The following ITSN2 variants were observed in gnomAD, a reference collection of about 807,000 sequenced individuals.
ITSN2 encodes intersectin-2.
ITSN2 carries 156 observed loss-of-function variants against 243.7 expected under a neutral mutation model. The observed-to-expected ratio is 0.64, with a 90% confidence interval of 0.56 to 0.73. The LOEUF (loss-of-function observed/expected upper bound fraction) is 0.73. Among genes scored for constraint, ITSN2 ranks in the 30% least tolerant of loss-of-function variants. The pLI, the probability that ITSN2 is intolerant of heterozygous loss-of-function variation, is 0.00. For missense variants in ITSN2, 1,801 were observed against 1,996.1 expected (o/e 0.90, Z 1.86); for synonymous variants, 703 against 699.9 (o/e 1.00, Z -0.07).
intron 1 of ITSN2, among the ~76,000 whole-genome samples, chr2:24,330,185 A>G (rs966184404): frequency 6.6e-6 from 1 of 152,268 alleles, no homozygotes; most frequent in Non-Finnish European, 1.5e-5. Context: ...GATCCCATGG[A>G]CACAAGGCCT....
In ITSN2 at chr2:24,211,878, G is replaced by A. The variant is rs1558430612; in HGVS notation, c.4089+772C>T. Among the ~76,000 whole-genome samples the A allele has an allele frequency of 6.6e-6, 1 of 152,066 alleles. No homozygotes were observed. The highest frequency in any genetic ancestry group is 2.1e-4 in the South Asian group (1 of 4,822). ...CTGGCCCCAAGTATTTCAATGAAGG[G>A]GCTGTGAACCTGCATTATGGTTCAG... is the stretch of plus-strand genomic sequence containing the variant. On this transcript the variant is annotated intron_variant, in intron 33 of 39. Transcript: ENST00000355123. The surrounding 1 kb of genome is among the most constrained non-coding windows in gnomAD (Gnocchi z 4.1).
intron 29 of ITSN2, 165 bp from the exon 30 acceptor site, chr2:24,221,231 G>C: frequency 1.5e-6 from 1 of 653,376 alleles, no homozygotes; most frequent in Non-Finnish European, 2.5e-6. Flanking sequence ...TACGCGGAGA[G>C]TTGGCATTAA....
Position 24,216,135 on chromosome 2 carries a change from T to A in ITSN2, c.3904A>T (p.Ile1302Phe). 6.2e-7 allele frequency: 1 copy of A among 1,613,422 alleles called. No homozygotes were observed. The highest frequency in any genetic ancestry group is 8.5e-7 in the Non-Finnish European group (1 of 1,179,688). The change falls in exon 32 of 40, where the codon ATC (isoleucine) becomes TTC (phenylalanine). Residue 1302 changes from isoleucine (I) to phenylalanine (F), a missense_variant. Around this residue, in one of 5 missense-constraint regions of ITSN2, gnomAD observed 928 missense variants for 1,065.4 expected, o/e 0.87. Transcript: ENST00000355123. ...TTAAGCTGGCAGCTGCAGAACCTGATGTAAGCCTGCATGTGGGACAGCTCA... is the reference window on the plus strand; with the variant it reads ...TTAAGCTGGCAGCTGCAGAACCTGAAGTAAGCCTGCATGTGGGACAGCTCA... ...AAELSHMQAYIRFCSCQLNGA... is the reference protein window; with the variant it reads ...AAELSHMQAYFRFCSCQLNGA...
intron 20 of ITSN2, among the ~76,000 whole-genome samples, chr2:24,267,476 C>T (rs1304032079): frequency 2.6e-5 from 4 of 151,610 alleles, no homozygotes; most frequent in Non-Finnish European, 4.4e-5. Flanking sequence ...TACATACATA[C>T]ACACACACAC....
In ITSN2 at chr2:24,307,523, T is replaced by C. The variant is rs142387960; in HGVS notation, c.793+1094A>G. 4.2e-4 allele frequency among the ~76,000 whole-genome samples: 64 copies of C among 152,296 alleles called. No individual in the cohort carries two copies. In the East Asian group the frequency reaches 6.4e-3, roughly 15 times the overall value. On this transcript the variant is annotated intron_variant, in intron 8 of 39. Coordinates refer to ENST00000355123, the MANE Select transcript of ITSN2 (RefSeq NM_006277.3). The stretch of plus-strand genomic sequence containing the variant: ...CTACCACCCATCTTAAGAACTAGAT[T>C]ACTACTAAATGCCTTGAATCTATCC...
rs767393012 is a variant in ITSN2 at position 24,310,531 on chromosome 2, C to A, written c.514G>T (p.Ala172Ser). 2 of 1,614,044 alleles carry A rather than the reference C, an allele frequency of 1.2e-6. No individual in the cohort carries two copies. Among genetic ancestry groups the A allele is most frequent in the Non-Finnish European group, 1.7e-6 (2 of 1,179,982 alleles). Residue 172 changes from alanine (A) to serine (S), a missense_variant, in exon 6 of 40, where the codon GCC becomes TCC. Transcript: ENST00000355123. The stretch of plus-strand genomic sequence containing the variant: ...ATGGGTAAAGGCTGAATGAGACTGG[C>A]GGTTCCATTTGGTAATGATGATGTG... The part of the protein sequence containing the change: ...VSTSSLPNGT[A>S]SLIQPLPIPY...
chr2:24,289,000 A>C (rs914240457), intron 15 of ITSN2, among the ~76,000 whole-genome samples: 5 of 152,212 alleles, frequency 3.3e-5, no homozygotes, highest in Non-Finnish European at 7.4e-5. Flanking sequence ...TTATGCCAGT[A>C]CCACACTGTT....
intron 1 of ITSN2, among the ~76,000 whole-genome samples, chr2:24,349,699 C>T (rs1270622686): frequency 6.6e-6 from 1 of 152,172 alleles, no homozygotes; most frequent in Non-Finnish European, 1.5e-5. Flanking sequence ...CATTCCCAAA[C>T]TATTCTAACC....
At chr2:24,359,228 C>T (rs1041329764) in intron 1 of ITSN2, among the ~76,000 whole-genome samples, 1 of 152,082 alleles carries the variant, frequency 6.6e-6, no homozygotes, top group African/African-American at 2.4e-5. Flanking sequence ...TATAGCAAAC[C>T]AGCACAGGGA....
At chr2:24,323,765 A>G (rs1684844837) in intron 2 of ITSN2, among the ~76,000 whole-genome samples, 1 of 152,266 alleles carries the variant, frequency 6.6e-6, no homozygotes, top group South Asian at 2.1e-4. Flanking sequence ...CATGCCTGCC[A>G]TATTAGGAGT....
chr2:24,228,346 C>T (rs191089485), intron 29 of ITSN2, among the ~76,000 whole-genome samples: 10 of 151,908 alleles, frequency 6.6e-5, no homozygotes, highest in East Asian at 3.9e-4. Context: ...TATTAAAAGA[C>T]GTATTTCAGG....
At chr2:24,331,455 T>C (rs1228055338) in intron 1 of ITSN2, among the ~76,000 whole-genome samples, 3 of 152,076 alleles carry the variant, frequency 2.0e-5, no homozygotes, top group African/African-American at 4.8e-5. Flanking sequence ...ATGTCACTAA[T>C]AGAATGTCTC....
intron 34 of ITSN2, among the ~76,000 whole-genome samples, 166 bp downstream of exon 34, chr2:24,210,614 C>CAAAA (rs950984341): frequency 1.3e-4 from 7 of 53,962 alleles, no homozygotes; most frequent in African/African-American, 3.4e-4. Context: ...GACTCCGTCT[C>CAAAA]AAAAAAAAAA....
intron 29 of ITSN2, among the ~76,000 whole-genome samples, chr2:24,227,139 AAAC>A (rs1671104885): frequency 6.6e-6 from 1 of 152,000 alleles, no homozygotes; most frequent in African/African-American, 2.4e-5. Context: ...GAAAAACAAA[AAAC>A]AACACAAAAA....
At chr2:24,283,393 T>G (rs952154151) in intron 17 of ITSN2, among the ~76,000 whole-genome samples, 15 of 152,180 alleles carry the variant, frequency 9.9e-5, no homozygotes, top group African/African-American at 3.1e-4. Flanking sequence ...CCTAGATAAT[T>G]TTTTGTATTT....
At chr2:24,322,700 C>A (rs1684720667) in intron 2 of ITSN2, among the ~76,000 whole-genome samples, 5 of 152,070 alleles carry the variant, frequency 3.3e-5, no homozygotes, top group Admixed American at 3.3e-4. Flanking sequence ...AGGCAAAAAT[C>A]ATTAAAATAT....
chr2:24,333,790 G>A (rs1029910916), intron 1 of ITSN2, among the ~76,000 whole-genome samples: 2 of 152,128 alleles, frequency 1.3e-5, no homozygotes, highest in African/African-American at 4.8e-5. Flanking sequence ...AGAAATGCTA[G>A]AACAAAAGCA....
intron 1 of ITSN2, among the ~76,000 whole-genome samples, chr2:24,350,978 C>T (rs1477754611): frequency 2.0e-5 from 3 of 152,152 alleles, no homozygotes; most frequent in Non-Finnish European, 4.4e-5. Flanking sequence ...GAACTGTAAA[C>T]TTTAAAAGGG....
intron 13 of ITSN2, among the ~76,000 whole-genome samples, chr2:24,297,988 CTTTTTTT>C (rs760279389): frequency 7.0e-6 from 1 of 143,196 alleles, no homozygotes; most frequent in African/African-American, 2.6e-5. Context: ...TTACATTTTT[CTTTTTTT>C]TTTTTTTGAG....
Sources: gnomAD v4.1 joint callset for allele counts (sites outside exome capture counted in the v4.1 genomes callset) on GRCh38, gnomAD v4.1.1 for gene constraint, gnomAD v4.1.1 regional missense constraint, Gnocchi (gnomAD v3.1) non-coding constraint, MANE v1.5 for transcripts, NCBI Gene and HGNC (gene_info 2026-07-23, HGNC 2026-07-21) for gene names.